The following PRICKLE1 variants were observed in gnomAD, a reference collection of about 807,000 sequenced individuals.
PRICKLE1 encodes prickle planar cell polarity protein 1.
Under a neutral mutation model 70.2 loss-of-function variants are expected in PRICKLE1, and 14 were observed. That is an observed-to-expected ratio of 0.20 (90% confidence interval 0.13 to 0.31). PRICKLE1 has a LOEUF of 0.31. Ranked by LOEUF, PRICKLE1 falls within the 10% of genes least tolerant of loss-of-function variation. The pLI, the probability that PRICKLE1 is intolerant of heterozygous loss-of-function variation, is 1.00. For missense variants in PRICKLE1, 821 were observed against 1,026.2 expected (o/e 0.80, Z 2.73); for synonymous variants, 357 against 379.9 (o/e 0.94, Z 0.70).
intron 1 of PRICKLE1, chr12:42,485,246 T>C (rs994811093): frequency 2.7e-5 from 1 of 37,578 alleles, no homozygotes; most frequent in South Asian, 9.1e-4. Context: ...GAAGTTTTTT[T>C]TTTTTTTTTT....
chr12:42,477,099 G>A (rs938185331), intron 1 of PRICKLE1, among the ~76,000 whole-genome samples: 2 of 151,792 alleles, frequency 1.3e-5, no homozygotes, highest in Non-Finnish European at 2.9e-5. Flanking sequence ...GTGGCCAGGC[G>A]CAGTAGCTCA....
intron 1 of PRICKLE1, among the ~76,000 whole-genome samples, chr12:42,479,678 C>T (rs1018130797): frequency 3.3e-5 from 5 of 152,112 alleles, no homozygotes; most frequent in Non-Finnish European, 5.9e-5. Context: ...ATGTAGCCAC[C>T]GGGTGCAGTG....
chr12:42,466,247 C>G lies in PRICKLE1; in HGVS notation c.722G>C (p.Gly241Ala). 9.3e-6 allele frequency: 15 copies of G among 1,614,204 alleles called. No homozygotes were observed. Among genetic ancestry groups the G allele is most frequent in the Non-Finnish European group, 1.2e-5 (14 of 1,180,038 alleles). Residue 241 changes from glycine to alanine, a missense_variant, in exon 6 of 8, where the codon GGC (glycine) becomes GCC (alanine). Transcript: ENST00000345127. ...IMKDGRPFCC[G>A]CFESLYAEYC... ...CTCCGCATAGAGAGACTCAAAACAG[C>G]CACAGCAGAAGGGGCGGCCGTCCTT... is the stretch of plus-strand genomic sequence containing the variant.
At chr12:42,546,792 A>T (rs1940222072) in intron 1 of PRICKLE1, among the ~76,000 whole-genome samples, 1 of 152,164 alleles carries the variant, frequency 6.6e-6, no homozygotes. Context: ...TCCATTTAGC[A>T]CTTGATAATT....
intron 1 of PRICKLE1, among the ~76,000 whole-genome samples, chr12:42,533,563 G>C (rs1303307634): frequency 2.0e-5 from 3 of 152,082 alleles, no homozygotes; most frequent in African/African-American, 7.2e-5. Context: ...ATAACCATTT[G>C]TTAAGTCTAG....
chr12:42,508,394 A>G (rs1254129623), intron 1 of PRICKLE1, among the ~76,000 whole-genome samples: 2 of 152,212 alleles, frequency 1.3e-5, no homozygotes, highest in Non-Finnish European at 2.9e-5. Context: ...AATTCTCACA[A>G]GTGAGCTACT....
chr12:42,459,380 G>A lies in PRICKLE1; in HGVS notation c.*429C>T. ...AGTGTTAGCTAGGTCATCGTGACAG[G>A]CATGCCTCACACCAAGACGGACTAT... On this transcript the variant is annotated 3_prime_UTR_variant, in exon 8 of 8. Transcript: ENST00000345127. 1 of 702,282 alleles carries A rather than the reference G, an allele frequency of 1.4e-6. No individual in the cohort carries two copies. The highest frequency in any genetic ancestry group is 1.5e-5 in the South Asian group (1 of 67,570). The allele number at this position is 702,282 out of a possible 1,614,324, so 43.5% of individuals were successfully genotyped here.
intron 1 of PRICKLE1, among the ~76,000 whole-genome samples, chr12:42,526,558 T>C (rs1424867675): frequency 6.6e-6 from 1 of 152,066 alleles, no homozygotes; most frequent in African/African-American, 2.4e-5. Context: ...AGAGGTTCTG[T>C]GTGGCTGAGA....
In PRICKLE1 at chr12:42,553,310, A is replaced by G. The variant is rs577641160; in HGVS notation, c.-49+36155T>C. On this transcript the variant is annotated intron_variant, in intron 1 of 7. Transcript: ENST00000345127. ...ATACAAAAAATTAGCCGGGCGTGGT[A>G]GCGGGCACCTGTAGTCCCAGCTACT... Among the ~76,000 whole-genome samples, 1,250 of 151,978 alleles carry G rather than the reference A, an allele frequency of 8.2e-3. 10 individuals are homozygous for G. Among genetic ancestry groups the G allele is most frequent in the South Asian group, 0.015 (74 of 4,806 alleles).
At chr12:42,567,579 A>G (rs1940640680) in intron 1 of PRICKLE1, among the ~76,000 whole-genome samples, 1 of 152,158 alleles carries the variant, frequency 6.6e-6, no homozygotes, top group Non-Finnish European at 1.5e-5. Flanking sequence ...AGTAATCCCA[A>G]CACTCTGGGA....
At position 42,525,590 on chromosome 12, in the gene PRICKLE1, A is replaced by G. The variant is rs577290469; in HGVS notation, c.-48-53026T>C. On this transcript the variant is annotated intron_variant, in intron 1 of 7. Transcript: ENST00000345127. ...GAGGACAATTCTGCAGCTGGTGGCC[A>G]CTGCAGAACTGATTGACTGGTTGTT... 1.4e-4 allele frequency among the ~76,000 whole-genome samples: 21 copies of G among 152,320 alleles called. 1 individual carries two copies. In the East Asian group the frequency reaches 4.1e-3, roughly 29 times the overall value.
intron 1 of PRICKLE1, among the ~76,000 whole-genome samples, chr12:42,532,932 GT>G: frequency 6.6e-6 from 1 of 151,778 alleles, no homozygotes; most frequent in East Asian, 1.9e-4. Context: ...AATCTGGTGT[GT>G]TTTTTGCACT....
At chr12:42,540,494 A>G (rs1940092481) in intron 1 of PRICKLE1, among the ~76,000 whole-genome samples, 1 of 152,206 alleles carries the variant, frequency 6.6e-6, no homozygotes, top group African/African-American at 2.4e-5. Flanking sequence ...GTAAGCTTTA[A>G]ATGAATGCTA....
intron 1 of PRICKLE1, among the ~76,000 whole-genome samples, chr12:42,526,993 A>G (rs753229292): frequency 1.3e-5 from 2 of 152,102 alleles, no homozygotes; most frequent in African/African-American, 2.4e-5. Flanking sequence ...GATGTGCCCA[A>G]TGTCACACTG....
intron 1 of PRICKLE1, among the ~76,000 whole-genome samples, chr12:42,539,562 T>C (rs1940073689): frequency 6.6e-6 from 1 of 152,182 alleles, no homozygotes; most frequent in Non-Finnish European, 1.5e-5. Context: ...GAGCAATGTC[T>C]TTGAATAAGA....
intron 1 of PRICKLE1, among the ~76,000 whole-genome samples, chr12:42,506,137 A>C (rs1467362211): frequency 1.3e-5 from 2 of 151,890 alleles, no homozygotes; most frequent in Non-Finnish European, 2.9e-5. Context: ...CAGGACTTTT[A>C]TGAAAAGTTC....
chr12:42,497,273 T>G (rs111509694), intron 1 of PRICKLE1, among the ~76,000 whole-genome samples: 9 of 151,820 alleles, frequency 5.9e-5, no homozygotes, highest in Non-Finnish European at 1.0e-4. Flanking sequence ...TGGCCGGGCG[T>G]GGTGGCTCAC....
At chr12:42,573,026 T>C (rs943651115) in intron 1 of PRICKLE1, among the ~76,000 whole-genome samples, 1 of 152,196 alleles carries the variant, frequency 6.6e-6, no homozygotes, top group African/African-American at 2.4e-5. Context: ...AAAAATTTTT[T>C]TTTAAATCAG....
intron 1 of PRICKLE1, among the ~76,000 whole-genome samples, chr12:42,524,517 G>A (rs985142057): frequency 2.0e-5 from 3 of 152,098 alleles, no homozygotes; most frequent in African/African-American, 7.2e-5. Flanking sequence ...GGGTTCAAGC[G>A]ATTCTCCTGC....
Sources: gnomAD v4.1 joint callset for allele counts (sites outside exome capture counted in the v4.1 genomes callset) on GRCh38, gnomAD v4.1.1 for gene constraint, MANE v1.5 for transcripts, NCBI Gene and HGNC (gene_info 2026-07-23, HGNC 2026-07-21) for gene names.